The following MAPKAP1 variants were observed in gnomAD, a reference collection of about 807,000 sequenced individuals.
MAPKAP1 encodes target of rapamycin complex 2 subunit MAPKAP1.
A neutral mutation model predicts 65.7 loss-of-function variants in MAPKAP1; 20 were observed. The ratio of observed to expected loss-of-function variants is 0.30; its 90% CI spans 0.21 to 0.44. The LOEUF is 0.44. Ranked by LOEUF, MAPKAP1 falls within the 20% of genes least tolerant of loss-of-function variation. The pLI is 1.00. For missense variants in MAPKAP1, 423 were observed against 648.0 expected (o/e 0.65, Z 3.77); for synonymous variants, 222 against 244.3 (o/e 0.91, Z 0.85).
At chr9:125,490,964 C>G (rs1854688218) in intron 8 of MAPKAP1, among the ~76,000 whole-genome samples, 1 of 151,164 alleles carries the variant, frequency 6.6e-6, no homozygotes, top group African/African-American at 2.4e-5. Flanking sequence ...ATGGTGAAAC[C>G]TCGTCTCTAT....
chr9:125,521,810 C>T (rs1289184204), intron 7 of MAPKAP1: 1 of 1,568,634 alleles, frequency 6.4e-7, no homozygotes, highest in Non-Finnish European at 8.8e-7. Context: ...CTTCATTTAT[C>T]TTCAACCTTC....
At position 125,444,561 on chromosome 9, in the gene MAPKAP1, G is replaced by A. The variant is rs144621305; in HGVS notation, c.1383C>T (p.His461=). Residue 461 remains histidine (H), a synonymous_variant, in exon 11 of 12, where the codon CAC becomes CAT. Transcript: ENST00000265960. ...ATTCAAAGTAGAGGTGTTTATAGTCGTGATTGCTTAGATACGTGAGTTTAA... is the reference window on the plus strand; with the variant it reads ...ATTCAAAGTAGAGGTGTTTATAGTCATGATTGCTTAGATACGTGAGTTTAA... ...AIFKLTYLSN[H]DYKHLYFESD... 57 of 1,613,722 alleles carry A rather than the reference G, an allele frequency of 3.5e-5. No homozygotes were observed. The highest frequency in any genetic ancestry group is 1.6e-4 in the Middle Eastern group (1 of 6,084).
intron 9 of MAPKAP1, among the ~76,000 whole-genome samples, chr9:125,469,561 T>G (rs977690445): frequency 8.5e-5 from 13 of 152,230 alleles, no homozygotes; most frequent in Non-Finnish European, 1.5e-4. Context: ...GAGGCTCCTC[T>G]GCTGCCTCCA....
In MAPKAP1 at chr9:125,565,448, G is replaced by GT. The variant is rs1016829073; in HGVS notation, c.672-5640dup. The GT allele has an allele frequency of 4.6e-3, 772 of 168,758 alleles. 1 individual carries two copies. The highest frequency in any genetic ancestry group is 1.0e-2 in the South Asian group (63 of 6,318). The allele number at this position is 168,758 out of a possible 1,614,324, so 10.5% of individuals were successfully genotyped here. A position where few individuals can be genotyped will look rare whatever the true frequency, so the allele number is the denominator to read the frequency against. Reference sequence around the variant, plus strand: ...ATGACCAGATAGATGAATGCTTATTGTTTTTTTTTTACATGAAAAATAAAA... The same window carrying GT: ...ATGACCAGATAGATGAATGCTTATTGTTTTTTTTTTTACATGAAAAATAAAA... On this transcript the variant is annotated intron_variant, in intron 5 of 11. Transcript: ENST00000265960.
At chr9:125,686,665 A>G (rs1834988589) in intron 1 of MAPKAP1, among the ~76,000 whole-genome samples, 1 of 152,070 alleles carries the variant, frequency 6.6e-6, no homozygotes, top group South Asian at 2.1e-4. Context: ...TGCATGTTTG[A>G]CCTCTACCAC....
At chr9:125,483,587 T>G (rs761871826) in intron 9 of MAPKAP1, among the ~76,000 whole-genome samples, 1 of 152,192 alleles carries the variant, frequency 6.6e-6, no homozygotes, top group Non-Finnish European at 1.5e-5. Flanking sequence ...TGGGTGAGCC[T>G]GGCATCACTA....
chr9:125,471,499 G>A (rs756791540), intron 9 of MAPKAP1: 2 of 152,588 alleles, frequency 1.3e-5, no homozygotes, highest in Non-Finnish European at 2.9e-5. Context: ...GAGGGAGAAG[G>A]GAGTCAGAGA....
intron 5 of MAPKAP1, 44 bp downstream of exon 5, chr9:125,585,511 A>G: frequency 6.3e-7 from 1 of 1,597,394 alleles, no homozygotes; most frequent in Non-Finnish European, 8.6e-7. Flanking sequence ...TGGGTGGCCA[A>G]AAGACCACAA....
intron 1 of MAPKAP1, among the ~76,000 whole-genome samples, chr9:125,673,959 CA>C (rs76564220): frequency 1.1e-3 from 15 of 14,004 alleles, no homozygotes; most frequent in East Asian, 0.5. Flanking sequence ...CAAAACAAAA[CA>C]AAACATACAA....
chr9:125,519,343 A>G (rs569020173), intron 7 of MAPKAP1, among the ~76,000 whole-genome samples: 1 of 152,294 alleles, frequency 6.6e-6, no homozygotes, highest in South Asian at 2.1e-4. Context: ...CAGACTACAA[A>G]GACTGTTTAC....
At chr9:125,669,318 T>C (rs1160923269) in intron 3 of MAPKAP1, among the ~76,000 whole-genome samples, 1 of 151,018 alleles carries the variant, frequency 6.6e-6, no homozygotes, top group East Asian at 2.0e-4. Context: ...CCATCTCTAC[T>C]AAAAATACAA....
chr9:125,659,912 A>T (rs888416933), intron 3 of MAPKAP1, among the ~76,000 whole-genome samples: 1 of 152,106 alleles, frequency 6.6e-6, no homozygotes, highest in Admixed American at 6.6e-5. Flanking sequence ...GTCACCAATG[A>T]TCCCTTTGTT....
intron 4 of MAPKAP1, among the ~76,000 whole-genome samples, chr9:125,603,403 T>C (rs1456384154): frequency 3.0e-5 from 1 of 33,806 alleles, no homozygotes; most frequent in Non-Finnish European, 1.9e-4. Context: ...CTTGGAGAGA[T>C]GGGCGAGCAA....
chr9:125,521,115 G>A (rs1300181007), intron 7 of MAPKAP1, among the ~76,000 whole-genome samples: 2 of 152,202 alleles, frequency 1.3e-5, no homozygotes, highest in South Asian at 2.1e-4. Context: ...CTTGCAGAAG[G>A]TTGGGAGCCA....
intron 3 of MAPKAP1, among the ~76,000 whole-genome samples, chr9:125,661,728 TTC>T (rs984661420): frequency 6.6e-6 from 1 of 152,184 alleles, no homozygotes; most frequent in Admixed American, 6.5e-5. Context: ...TGCTTTATGT[TTC>T]TGACTTTGAA....
intron 1 of MAPKAP1, among the ~76,000 whole-genome samples, chr9:125,674,061 G>A (rs1485300868): frequency 7.2e-5 from 11 of 152,058 alleles, no homozygotes; most frequent in African/African-American, 4.8e-5. Flanking sequence ...GCAGGACAAC[G>A]GTTAGGTACT....
chr9:125,523,763 A>C (rs972888501), intron 7 of MAPKAP1, among the ~76,000 whole-genome samples: 2 of 152,212 alleles, frequency 1.3e-5, no homozygotes, highest in African/African-American at 2.4e-5. Flanking sequence ...ACCCTGGATA[A>C]GCTGTGGCTC....
intron 4 of MAPKAP1, chr9:125,599,816 C>T (rs1832250417): frequency 1.3e-5 from 2 of 152,236 alleles, no homozygotes; most frequent in Non-Finnish European, 2.9e-5. Flanking sequence ...GTTGGCCAGG[C>T]TGTTCTTGAA....
intron 1 of MAPKAP1, among the ~76,000 whole-genome samples, chr9:125,698,483 G>A (rs959761041): frequency 1.3e-5 from 2 of 150,480 alleles, no homozygotes; most frequent in African/African-American, 2.4e-5. Flanking sequence ...GACTATAGGC[G>A]TGTGTGTGCC....
Sources: allele counts gnomAD v4.1 joint callset (sites outside exome capture counted in the v4.1 genomes callset), GRCh38; gene constraint gnomAD v4.1.1; transcripts MANE v1.5; gene names NCBI Gene and HGNC (gene_info 2026-07-23, HGNC 2026-07-21).